Variants in MAP4 observed in about 807,000 individuals in gnomAD.
MAP4 encodes the protein microtubule-associated protein 4.
MAP4 carries 76 observed loss-of-function variants against 170.2 expected under a neutral mutation model. The observed-to-expected ratio is 0.45, with a 90% confidence interval of 0.37 to 0.54. The LOEUF is 0.54. MAP4 is among the 20% of genes least tolerant of loss of function. The pLI, the probability that MAP4 is intolerant of heterozygous loss-of-function variation, is 0.00. For synonymous variants in MAP4, 909 were observed against 994.5 expected (o/e 0.91, Z 1.62); for missense variants, 2,506 against 2,748.0 (o/e 0.91, Z 1.97).
At position 47,911,027 on chromosome 3, in the gene MAP4, C is replaced by T. The variant is rs1477068209; in HGVS notation, c.3394G>A (p.Asp1132Asn). Reference protein sequence around the residue: ...NSSKQPGTKADLTEAVVMGEP... With the variant: ...NSSKQPGTKANLTEAVVMGEP... ...CCCATCACCACTGCCTCCGTGAGAT[C>T]AGCCTTAGTGCCTGGTTGCTTTGAA... The change falls in exon 9 of 21, where the codon GAT becomes AAT. Residue 1132 changes from aspartate (D) to asparagine (N), a missense_variant. This residue lies in a region of MAP4 where 2,008 missense variants were observed against 2,206.0 expected (regional missense o/e 0.91). Coordinates refer to ENST00000683076, the MANE Select transcript of MAP4 (RefSeq NM_001385682.1). This position sits in a 1 kb window ranked among gnomAD's most constrained non-coding sequence, Gnocchi z 4.0. The T allele has an allele frequency of 6.5e-7, 1 of 1,536,196 alleles. No homozygotes were observed. Among genetic ancestry groups the T allele is most frequent in the South Asian group, 1.2e-5 (1 of 84,064 alleles).
intron 17 of MAP4, among the ~76,000 whole-genome samples, chr3:47,865,526 G>A (rs1352728933): frequency 3.9e-5 from 6 of 152,176 alleles, no homozygotes; most frequent in African/African-American, 1.4e-4. Flanking sequence ...GGAGTTGTGT[G>A]GGGCAAGAAT....
chr3:47,976,475 C>T (rs2100082254), intron 3 of MAP4, among the ~76,000 whole-genome samples: 2 of 152,212 alleles, frequency 1.3e-5, no homozygotes, highest in Admixed American at 1.3e-4. Flanking sequence ...CCCCTCCAGC[C>T]TTTCCTTACC....
chr3:48,041,057 TAAGAA>T (rs934558071), intron 1 of MAP4, among the ~76,000 whole-genome samples: 1 of 152,164 alleles, frequency 6.6e-6, no homozygotes, highest in Non-Finnish European at 1.5e-5. Context: ...AAAATGATAT[TAAGAA>T]AACAATTCTG....
intron 1 of MAP4, among the ~76,000 whole-genome samples, chr3:48,044,019 T>A (rs1248350633): frequency 6.6e-6 from 1 of 151,702 alleles, no homozygotes; most frequent in Non-Finnish European, 1.5e-5. Flanking sequence ...CTAATGTTTG[T>A]ATTTTTAGTA....
intron 1 of MAP4, among the ~76,000 whole-genome samples, chr3:48,044,808 G>C (rs186203817): frequency 3.0e-4 from 46 of 152,020 alleles, no homozygotes; most frequent in Non-Finnish European, 4.4e-5. Flanking sequence ...TATTACCCAG[G>C]GGTGGTGGTG....
intron 1 of MAP4, among the ~76,000 whole-genome samples, chr3:48,088,252 T>C (rs2100150421): frequency 6.7e-6 from 1 of 149,930 alleles, no homozygotes; most frequent in African/African-American, 2.5e-5. Flanking sequence ...GTCGGGGCCT[T>C]TGCAAGGGGG....
rs1401403650 is a variant in MAP4, at chr3:47,872,100, G to A, written c.5758C>T (p.Pro1920Ser). The A allele has an allele frequency of 3.1e-6, 5 of 1,604,706 alleles. No homozygotes were observed. In the South Asian group the frequency reaches 4.4e-5, roughly 14 times the overall value. The change falls in exon 13 of 21, where the codon CCC (proline) becomes TCC (serine). Residue 1920 changes from proline (P) to serine (S), a missense_variant and splice_region_variant. Coordinates refer to ENST00000683076, the MANE Select transcript of MAP4 (RefSeq NM_001385682.1). ...TCAGGAGCCTTTGCATCTGCAATGG[G>A]CTGGAAATAGGAAAGTGGGAATGAG... Reference protein sequence around the residue: ...ILPSKDVKPKPIADAKAPEKR... With the variant: ...ILPSKDVKPKSIADAKAPEKR...
chr3:47,968,542 A>C (rs1312908187), intron 3 of MAP4, among the ~76,000 whole-genome samples: 1 of 152,248 alleles, frequency 6.6e-6, no homozygotes. Context: ...CAGATGAATG[A>C]AAATGAAAAC....
intron 1 of MAP4, among the ~76,000 whole-genome samples, chr3:48,021,625 C>G (rs962569266): frequency 2.0e-5 from 3 of 152,172 alleles, no homozygotes; most frequent in Admixed American, 6.5e-5. Flanking sequence ...GGATTACAGG[C>G]GTGAGACACC....
At chr3:47,996,771 C>A (rs1347677873) in intron 2 of MAP4, among the ~76,000 whole-genome samples, 1 of 142,172 alleles carries the variant, frequency 7.0e-6, no homozygotes, top group South Asian at 2.3e-4. Flanking sequence ...CACACACACA[C>A]AGAGCAATCA....
In MAP4 at chr3:47,911,154, G is replaced by A. The variant is rs1270050144; in HGVS notation, c.3267C>T (p.Asp1089=). 1 of 1,536,096 alleles carries A rather than the reference G, an allele frequency of 6.5e-7. No individual in the cohort carries two copies. The highest frequency in any genetic ancestry group is 1.2e-5 in the South Asian group (1 of 84,058). Residue 1089 remains aspartate, a synonymous_variant, in exon 9 of 21, where the codon GAC becomes GAT. Transcript: ENST00000683076. This position sits in a 1 kb window ranked among gnomAD's most constrained non-coding sequence, Gnocchi z 4.0. ...KAKSELPFLL[D]SQKDGRAVLI... ...GAACAGCCCTTCCGTCCTTCTGGCTGTCCAGAAGAAATGGCAGCTCAGATT... is the reference window on the plus strand; with the variant it reads ...GAACAGCCCTTCCGTCCTTCTGGCTATCCAGAAGAAATGGCAGCTCAGATT...
chr3:47,854,144 G>A (rs2050065416), intron 19 of MAP4, among the ~76,000 whole-genome samples: 1 of 152,168 alleles, frequency 6.6e-6, no homozygotes, highest in Non-Finnish European at 1.5e-5. Context: ...ACTAATAAAG[G>A]GATATAATGT....
At chr3:48,001,328 G>A (rs1377999484) in intron 1 of MAP4, among the ~76,000 whole-genome samples, 2 of 152,062 alleles carry the variant, frequency 1.3e-5, no homozygotes, top group African/African-American at 2.4e-5. Context: ...GATTTGGAAA[G>A]ATATTAAATA....
chr3:47,904,436 T>C (rs548501725), intron 9 of MAP4, among the ~76,000 whole-genome samples: 1 of 151,670 alleles, frequency 6.6e-6, no homozygotes, highest in East Asian at 2.0e-4. Context: ...CTGAGCCTCC[T>C]GAGTAGCTGG....
In MAP4 at chr3:47,924,244, T is replaced by C. The variant is rs539437189; in HGVS notation, c.416-2366A>G. 5.3e-5 allele frequency among the ~76,000 whole-genome samples: 8 copies of C among 152,278 alleles called. No individual in the cohort carries two copies. In the South Asian group the frequency reaches 1.7e-3, roughly 32 times the overall value. On this transcript the variant is annotated intron_variant, in intron 4 of 20. Coordinates refer to ENST00000683076, the MANE Select transcript of MAP4 (RefSeq NM_001385682.1). Reference sequence around the variant, plus strand: ...ATCTTTGCTTGATAAGTATTTAAGCTGAGAACTAAAGAACTGAGTGGTTAT... The same window carrying C: ...ATCTTTGCTTGATAAGTATTTAAGCCGAGAACTAAAGAACTGAGTGGTTAT...
chr3:47,993,051 T>C (rs114972739), intron 2 of MAP4, among the ~76,000 whole-genome samples: 2,107 of 151,860 alleles, frequency 0.014, 28 homozygotes, highest in Non-Finnish European at 0.02. Context: ...CAAAAGCAAA[T>C]GGTAAATTTA....
At chr3:48,016,144 T>C (rs956223657) in intron 1 of MAP4, among the ~76,000 whole-genome samples, 190 bp downstream of exon 1, 1 of 152,214 alleles carries the variant, frequency 6.6e-6, no homozygotes, top group Non-Finnish European at 1.5e-5. Flanking sequence ...CATTCCTACA[T>C]GAAAGAACAC....
intron 17 of MAP4, among the ~76,000 whole-genome samples, chr3:47,861,510 G>A (rs993385569): frequency 7.9e-5 from 12 of 151,540 alleles, no homozygotes; most frequent in East Asian, 3.9e-4. Flanking sequence ...GCACCACCAC[G>A]CCCAGCTGAT....
At chr3:48,007,082 C>T (rs568373748) in intron 1 of MAP4, among the ~76,000 whole-genome samples, 4 of 152,350 alleles carry the variant, frequency 2.6e-5, no homozygotes, top group Middle Eastern at 3.4e-3. Context: ...GATCGCTTTT[C>T]GCTTCCGCAA....
Sources: gnomAD v4.1 joint callset for allele counts (sites outside exome capture counted in the v4.1 genomes callset) on GRCh38, gnomAD v4.1.1 for gene constraint, gnomAD v4.1.1 regional missense constraint, Gnocchi (gnomAD v3.1) non-coding constraint, MANE v1.5 for transcripts, NCBI Gene and HGNC (gene_info 2026-07-23, HGNC 2026-07-21) for gene names.